PAQR3: variants seen among roughly 807,000 people sequenced by gnomAD.
The protein encoded by PAQR3 is progestin and adipoQ receptor family member 3.
PAQR3 carries 39 observed loss-of-function variants against 41.7 expected under a neutral mutation model. The ratio of observed to expected loss-of-function variants is 0.93; its 90% CI spans 0.72 to 1.22. The LOEUF is 1.22. Ranked by LOEUF, PAQR3 falls within the 50% of genes most tolerant of loss-of-function variation. The pLI, the probability that PAQR3 is intolerant of heterozygous loss-of-function variation, is 0.00. For missense variants in PAQR3, 366 were observed against 385.6 expected (o/e 0.95, Z 0.42); for synonymous variants, 140 against 140.6 (o/e 1.00, Z 0.03).
intron 5 of PAQR3, chr4:78,921,549 T>TA (rs534101248): frequency 3.0e-6 from 2 of 657,950 alleles, no homozygotes; most frequent in African/African-American, 4.0e-5. Context: ...CCCATTTTTT[T>TA]AAAAAACAAA....
chr4:78,897,997 G>T (rs1733793336), intron 11 of PAQR3, among the ~76,000 whole-genome samples: 1 of 152,160 alleles, frequency 6.6e-6, no homozygotes, highest in South Asian at 2.1e-4. Flanking sequence ...GTTGAGTTGG[G>T]ATTGGGAAAT....
chr4:78,918,554 T>G lies in PAQR3; in HGVS notation c.*1985A>C. On this transcript the variant is annotated 3_prime_UTR_variant, in exon 6 of 6. Transcript: ENST00000512733. ...TTGAAATGTTTACATGGAATAATTT[T>G]CCCTACAGAAAGACCTGTACACCCT... 1 of 976,422 alleles carries G rather than the reference T, an allele frequency of 1.0e-6. No homozygotes were observed. The highest frequency in any genetic ancestry group is 1.8e-5 in the African/African-American group (1 of 57,114). 60.5% of individuals were successfully genotyped at this position (976,422 alleles called of 1,614,324 possible).
chr4:78,924,808 G>A (rs2110142688), intron 4 of PAQR3, among the ~76,000 whole-genome samples: 1 of 151,834 alleles, frequency 6.6e-6, no homozygotes, highest in South Asian at 2.1e-4. Flanking sequence ...TTGAGCCGAG[G>A]AGTTTGAAGG....
intron 11 of PAQR3, among the ~76,000 whole-genome samples, chr4:78,894,363 C>T (rs1733592323): frequency 6.6e-6 from 1 of 152,192 alleles, no homozygotes; most frequent in South Asian, 2.1e-4. Context: ...AGTGTAGCCA[C>T]CTTCATCAGT....
intron 11 of PAQR3, among the ~76,000 whole-genome samples, chr4:78,889,540 G>C (rs1355491012): frequency 6.6e-6 from 1 of 152,046 alleles, no homozygotes; most frequent in Non-Finnish European, 1.5e-5. Context: ...TGTATTTGGG[G>C]ACATTCATTT....
At position 78,919,978 on chromosome 4, in the gene PAQR3, T is replaced by C; in HGVS notation, c.*561A>G. On this transcript the variant is annotated 3_prime_UTR_variant, in exon 6 of 6. Transcript: ENST00000512733. ...GGAAAACTAAAATATCTAATGTTCTTAGGGAGAGAAGAACCTATAGCTAAA... is the reference window on the plus strand; with the variant it reads ...GGAAAACTAAAATATCTAATGTTCTCAGGGAGAGAAGAACCTATAGCTAAA... 1.0e-6 allele frequency: 1 copy of C among 985,238 alleles called. No individual in the cohort carries two copies. Among genetic ancestry groups the C allele is most frequent in the Non-Finnish European group, 1.2e-6 (1 of 829,504 alleles). The allele number at this position is 985,238 out of a possible 1,614,324, so 61.0% of individuals were successfully genotyped here.
At chr4:78,922,523 C>CT (rs771858619) in intron 5 of PAQR3, 2 of 1,036,086 alleles carry the variant, frequency 1.9e-6, no homozygotes, top group Non-Finnish European at 2.6e-6. Context: ...TTTATGTACT[C>CT]TAAATGTTAT....
chr4:78,911,075 C>G (rs755274270), downstream of PAQR3: 4 of 1,613,988 alleles, frequency 2.5e-6, 1 homozygote, highest in South Asian at 4.4e-5. Context: ...GCCCAATTAT[C>G]CTCTGATGTT....
chr4:78,902,858 T>C (rs2110097247), intron 11 of PAQR3, among the ~76,000 whole-genome samples: 1 of 152,292 alleles, frequency 6.6e-6, no homozygotes, highest in East Asian at 1.9e-4. Flanking sequence ...AATTTTTTGG[T>C]ATAGTTTATA....
In PAQR3 at chr4:78,917,876, T is replaced by A; in HGVS notation, c.*2663A>T. The stretch of plus-strand genomic sequence containing the variant: ...CAGACATTCCCTGAATCTTCGTTCC[T>A]GATTCTAAAATATGATTTTAAAGCT... On this transcript the variant is annotated 3_prime_UTR_variant, in exon 6 of 6. Coordinates refer to ENST00000512733, the MANE Select transcript of PAQR3 (RefSeq NM_001040202.2). 1.0e-6 allele frequency: 1 copy of A among 985,418 alleles called. No homozygotes were observed. The highest frequency in any genetic ancestry group is 1.2e-6 in the Non-Finnish European group (1 of 829,598). 61.0% of individuals were successfully genotyped at this position (985,418 alleles called of 1,614,324 possible).
chr4:78,911,127 T>C (rs756729601), downstream of PAQR3: 3 of 1,613,892 alleles, frequency 1.9e-6, no homozygotes, highest in African/African-American at 2.7e-5. Context: ...TATTTGGCGC[T>C]GTCCCCTTCT....
At chr4:78,930,880 T>TTATATA (rs147412098) in intron 2 of PAQR3, among the ~76,000 whole-genome samples, 5 of 150,278 alleles carry the variant, frequency 3.3e-5, no homozygotes, top group Non-Finnish European at 7.4e-5. Context: ...CATGCACACA[T>TTATATA]TATATATATA....
chr4:78,894,590 G>T (rs1733606252), intron 11 of PAQR3, among the ~76,000 whole-genome samples: 1 of 152,190 alleles, frequency 6.6e-6, no homozygotes, highest in South Asian at 2.1e-4. Flanking sequence ...GAACGCAGTG[G>T]TTGGTTTGAT....
Position 78,939,181 on chromosome 4 carries a change from C to A in PAQR3, c.44G>T (p.Gly15Val). 6.2e-7 allele frequency: 1 copy of A among 1,610,724 alleles called. No individual in the cohort carries two copies. Among genetic ancestry groups the A allele is most frequent in the Non-Finnish European group, 8.5e-7 (1 of 1,178,574 alleles). Residue 15 changes from glycine to valine, a missense_variant, in exon 1 of 6, where the codon GGC becomes GTC. Coordinates refer to ENST00000512733, the MANE Select transcript of PAQR3 (RefSeq NM_001040202.2). ...CAGGACCGGCCAGTACTGGTAGCTG[C>A]CCAGCTCGATGTAATGCGCGCTCTT... ...LLKSAHYIEL[G>V]SYQYWPVLVP...
chr4:78,887,417 A>G, intron 12 of PAQR3: 5 of 685,338 alleles, frequency 7.3e-6, no homozygotes, highest in South Asian at 6.9e-5. Flanking sequence ...ACCTTTAGCC[A>G]TCCTACTCTT....
At chr4:78,896,690 A>G (rs1343779519) in intron 11 of PAQR3, among the ~76,000 whole-genome samples, 1 of 152,198 alleles carries the variant, frequency 6.6e-6, no homozygotes, top group Non-Finnish European at 1.5e-5. Flanking sequence ...TTTTAATTTT[A>G]TGGGAATTTC....
intron 11 of PAQR3, among the ~76,000 whole-genome samples, chr4:78,905,103 C>T (rs1323673761): frequency 6.6e-6 from 1 of 151,574 alleles, no homozygotes; most frequent in African/African-American, 2.4e-5. Flanking sequence ...TCTATTGGTT[C>T]ATTCTTAGTT....
chr4:78,888,205 A>G (rs1560546992), intron 11 of PAQR3: 1 of 152,118 alleles, frequency 6.6e-6, no homozygotes, highest in Non-Finnish European at 1.5e-5. Context: ...TTTCTCTTTG[A>G]CATTTATTAA....
chr4:78,910,767 T>C, downstream of PAQR3: 5 of 1,613,854 alleles, frequency 3.1e-6, 1 homozygote, highest in Admixed American at 6.7e-5. Flanking sequence ...ATGATGAATC[T>C]GAAAGTGATT....
Sources: allele counts gnomAD v4.1 joint callset (sites outside exome capture counted in the v4.1 genomes callset), GRCh38; gene constraint gnomAD v4.1.1; transcripts MANE v1.5; gene names NCBI Gene and HGNC (gene_info 2026-07-23, HGNC 2026-07-21).